Variants in CUL2 observed in about 807,000 individuals in gnomAD.
CUL2 encodes cullin 2.
In CUL2, 22 loss-of-function variants were observed where a neutral mutation model predicts 110.2. The observed-to-expected ratio is 0.20, with a 90% CI of 0.14 to 0.28. The LOEUF is 0.28. CUL2 is among the 10% of genes least tolerant of loss of function. The pLI is 1.00. For missense variants in CUL2, 631 were observed against 905.5 expected (o/e 0.70, Z 3.89); for synonymous variants, 279 against 293.2 (o/e 0.95, Z 0.49).
At chr10:35,074,487 T>C (rs1030716936) in intron 1 of CUL2, among the ~76,000 whole-genome samples, 4 of 152,112 alleles carry the variant, frequency 2.6e-5, no homozygotes, top group Admixed American at 6.5e-5. Flanking sequence ...ACTGATAGTC[T>C]AACCTTGGTC....
chr10:35,103,079 T>C (rs2087405210), intron 1 of CUL2, among the ~76,000 whole-genome samples: 2 of 152,224 alleles, frequency 1.3e-5, no homozygotes, highest in African/African-American at 2.4e-5. Context: ...TATTTGTAAA[T>C]TGTCTAATCC....
chr10:35,029,067 T>TC (rs1347038322), intron 15 of CUL2, among the ~76,000 whole-genome samples, 180 bp from the exon 16 acceptor site: 1 of 151,614 alleles, frequency 6.6e-6, no homozygotes, highest in Non-Finnish European at 1.5e-5. Flanking sequence ...TTTTTTGTTT[T>TC]TTTTTTTTGA....
chr10:35,095,767 G>A (rs1293995442), intron 2 of CUL2, among the ~76,000 whole-genome samples: 1 of 152,026 alleles, frequency 6.6e-6, no homozygotes, highest in Non-Finnish European at 1.5e-5. Context: ...CACCATATTG[G>A]CCAGGCTGGT....
At chr10:35,037,461 T>C (rs1302422523) in intron 9 of CUL2, among the ~76,000 whole-genome samples, 1 of 152,202 alleles carries the variant, frequency 6.6e-6, no homozygotes, top group East Asian at 1.9e-4. Flanking sequence ...AGTCTTTCCA[T>C]CATACTCTTC....
At chr10:35,052,894 CAA>C (rs1017728475) in intron 5 of CUL2, among the ~76,000 whole-genome samples, 1 of 68,808 alleles carries the variant, frequency 1.5e-5, no homozygotes, top group Non-Finnish European at 3.0e-5. Context: ...GACTCCGTCT[CAA>C]AAAAAAAAAA....
At chr10:35,048,543 A>C (rs565855940) in intron 6 of CUL2, among the ~76,000 whole-genome samples, 4 of 152,238 alleles carry the variant, frequency 2.6e-5, no homozygotes, top group Non-Finnish European at 2.9e-5. Context: ...CCAAGTCAAA[A>C]GAAAAGTTAG....
At chr10:35,047,254 C>A (rs2085966809) in intron 6 of CUL2, among the ~76,000 whole-genome samples, 4 of 152,160 alleles carry the variant, frequency 2.6e-5, no homozygotes, top group Admixed American at 1.3e-4. Context: ...TTGCTTAATT[C>A]TCTATGATAG....
chr10:35,043,533 T>C (rs1251702572), intron 8 of CUL2, among the ~76,000 whole-genome samples: 4 of 152,202 alleles, frequency 2.6e-5, no homozygotes, highest in African/African-American at 9.7e-5. Flanking sequence ...CCTAGGGATG[T>C]AGGATGACAG....
chr10:35,102,965 C>T (rs922954207), intron 1 of CUL2, among the ~76,000 whole-genome samples: 2 of 151,884 alleles, frequency 1.3e-5, no homozygotes, highest in South Asian at 2.1e-4. Flanking sequence ...TTATTAAAAT[C>T]GAAGTTGAAC....
chr10:35,046,922 C>CAAAACA (rs1256277948), intron 6 of CUL2, among the ~76,000 whole-genome samples: 5 of 130,744 alleles, frequency 3.8e-5, no homozygotes, highest in Admixed American at 3.0e-4. Flanking sequence ...CAAAACAAAA[C>CAAAACA]AAAACAAAAA....
At chr10:35,028,570 TACTC>T (rs1348936361) in intron 16 of CUL2, among the ~76,000 whole-genome samples, 1 of 152,198 alleles carries the variant, frequency 6.6e-6, no homozygotes, top group African/African-American at 2.4e-5. Flanking sequence ...ATGATAGACT[TACTC>T]AGAATAAGAG....
At chr10:35,053,422 T>C (rs1322468227) in intron 5 of CUL2, among the ~76,000 whole-genome samples, 1 of 152,200 alleles carries the variant, frequency 6.6e-6, no homozygotes, top group Non-Finnish European at 1.5e-5. Flanking sequence ...TTTTCTGCTA[T>C]TAATTTATCC....
chr10:35,076,786 A>G (rs1324111228), intron 1 of CUL2, among the ~76,000 whole-genome samples: 13 of 152,244 alleles, frequency 8.5e-5, no homozygotes, highest in Non-Finnish European at 5.9e-5. Context: ...ACGGTGGCTC[A>G]CGCCTGTAAG....
upstream of CUL2, among the ~76,000 whole-genome samples, chr10:35,095,551 T>G (rs1460680223): frequency 2.0e-5 from 3 of 151,880 alleles, no homozygotes; most frequent in Non-Finnish European, 2.9e-5. Context: ...AATAATTATT[T>G]TGTGTGTGTG....
At chr10:35,116,839 C>G (rs1450803987) in intron 1 of CUL2, among the ~76,000 whole-genome samples, 1 of 152,040 alleles carries the variant, frequency 6.6e-6, no homozygotes, top group African/African-American at 2.4e-5. Flanking sequence ...CGCCTGTAGT[C>G]CCAGCTACCC....
At position 35,074,074 on chromosome 10, in the gene CUL2, C is replaced by T. The variant is rs1434818955; in HGVS notation, c.-22-2735G>A. The T allele has an allele frequency of 1.0e-5, 10 of 973,560 alleles. No individual in the cohort carries two copies. In the East Asian group the frequency reaches 2.3e-4, roughly 23 times the overall value. The allele number at this position is 973,560 out of a possible 1,614,324, so 60.3% of individuals were successfully genotyped here. A position where few individuals can be genotyped will look rare whatever the true frequency, so the allele number is the denominator to read the frequency against. ...ACCTCACTAACATGCTTGGTGAATA[C>T]TTACTCCTTGCCAGGCACCATTCCA... On this transcript the variant is annotated intron_variant, in intron 1 of 20. Transcript: ENST00000374749.
intron 17 of CUL2, among the ~76,000 whole-genome samples, chr10:35,016,943 CA>C (rs1281466745): frequency 5.2e-4 from 67 of 129,046 alleles, no homozygotes; most frequent in East Asian, 4.9e-3. Flanking sequence ...AAAAAAAAAA[CA>C]AAAAAAAAAG....
chr10:35,044,237 TA>T (rs2134801993), intron 8 of CUL2, among the ~76,000 whole-genome samples: 1 of 152,168 alleles, frequency 6.6e-6, no homozygotes, highest in South Asian at 2.1e-4. Flanking sequence ...TCCTATTCTC[TA>T]AACTAACCAC....
intron 1 of CUL2, among the ~76,000 whole-genome samples, chr10:35,073,040 C>T (rs2086723004): frequency 6.6e-6 from 1 of 151,998 alleles, no homozygotes; most frequent in Admixed American, 6.6e-5. Context: ...TGGGAGAGGC[C>T]CTTCTGTGTT....
Sources: allele counts gnomAD v4.1 joint callset (sites outside exome capture counted in the v4.1 genomes callset), GRCh38; gene constraint gnomAD v4.1.1; transcripts MANE v1.5; gene names NCBI Gene and HGNC (gene_info 2026-07-23, HGNC 2026-07-21).